CRACR2B: variants seen among roughly 807,000 people sequenced by gnomAD.
CRACR2B encodes the protein EF-hand calcium-binding domain-containing protein 4A.
Under a neutral mutation model 46.0 loss-of-function variants are expected in CRACR2B, and 50 were observed. The ratio of observed to expected loss-of-function variants is 1.09; its 90% CI spans 0.87 to 1.38. The LOEUF (loss-of-function observed/expected upper bound fraction) is 1.38, where lower values mean the gene tolerates loss of function less well. Ranked by LOEUF, CRACR2B falls within the 40% of genes most tolerant of loss-of-function variation. The pLI, the probability that CRACR2B is intolerant of heterozygous loss-of-function variation, is 0.00. For missense variants in CRACR2B, 667 were observed against 535.0 expected (o/e 1.25, Z -2.43); for synonymous variants, 277 against 239.6 (o/e 1.16, Z -1.44).
chr11:830,511 C>T (rs981749289), intron 5 of CRACR2B, 110 bp from the exon 6 acceptor site: 2 of 1,540,222 alleles, frequency 1.3e-6, no homozygotes, highest in Non-Finnish European at 8.7e-7. Context: ...CCGGTCTTCT[C>T]CACCCGACCC....
Position 830,628 on chromosome 11 carries a change from C to CCGAA in CRACR2B, c.702_703insGAAC (p.Arg235GlufsTer118). ...GTCCTCCGTGCGTCCCAGAACTTCG[C>CCGAA]CCGCGGGGAGCGGAGAAGCCGTCTG... On this transcript the variant is annotated frameshift_variant, in exon 6 of 9. Coordinates refer to ENST00000525077, the MANE Select transcript of CRACR2B (RefSeq NM_001286606.2). LOFTEE classifies it high-confidence loss of function. The CCGAA allele has an allele frequency of 1.3e-6, 2 of 1,549,276 alleles. No individual in the cohort carries two copies. Among genetic ancestry groups the CCGAA allele is most frequent in the Non-Finnish European group, 1.7e-6 (2 of 1,146,716 alleles).
Position 828,211 on chromosome 11 carries a change from C to T in CRACR2B, c.-397C>T, listed in dbSNP as rs771944021. 2.1e-4 allele frequency: 45 copies of T among 213,794 alleles called. No individual in the cohort carries two copies. Among genetic ancestry groups the T allele is most frequent in the Non-Finnish European group, 3.7e-4 (40 of 107,264 alleles). The allele number at this position is 213,794 out of a possible 1,614,324, so 13.2% of individuals were successfully genotyped here. On this transcript the variant is annotated 5_prime_UTR_variant, in exon 1 of 9. Coordinates refer to ENST00000525077, the MANE Select transcript of CRACR2B (RefSeq NM_001286606.2). ...GTGAGGGGCTCCTCCCTCACTGACC[C>T]CAAGCCTGCTCCTCTCAGCTTTCAG...
rs1477379617 is a variant in CRACR2B, at chr11:830,130, G to T, written c.603G>T (p.Arg201=). 1.3e-6 allele frequency: 2 copies of T among 1,533,534 alleles called. No individual in the cohort carries two copies. Among genetic ancestry groups the T allele is most frequent in the Admixed American group, 2.0e-5 (1 of 50,182 alleles). 95.0% of individuals were successfully genotyped at this position (1,533,534 alleles called of 1,614,324 possible). Residue 201 remains arginine (R), a splice_region_variant and synonymous_variant, in exon 4 of 9, where the codon CGG becomes CGT. Transcript: ENST00000525077. ...RERDGLEQAL[R]RRESEHEREV... is the part of the protein sequence containing the mutation. The stretch of plus-strand genomic sequence containing the variant: ...GCGACGGCCTGGAGCAGGCGCTGCG[G>T]AGGTGAGGGCCGGGGTGGGGTATGG...
rs576556081 is a variant in CRACR2B at position 831,045 on chromosome 11, G to T, written c.953+13G>T. ...AGCAAACCCAACGGTGCCGTGGGAC[G>T]GGGCTGGGCGGGCCCCGGTGCGTGT... On this transcript the variant is annotated intron_variant, in intron 7 of 8. Coordinates refer to ENST00000525077, the MANE Select transcript of CRACR2B (RefSeq NM_001286606.2). 2.0e-6 allele frequency: 3 copies of T among 1,535,186 alleles called. No individual in the cohort carries two copies. In the South Asian group the frequency reaches 3.6e-5, roughly 18 times the overall value.
In CRACR2B at chr11:828,282, A is replaced by C; in HGVS notation, c.-326A>C. On this transcript the variant is annotated 5_prime_UTR_variant, in exon 1 of 9. Transcript: ENST00000525077. ...CAGGTCTTCTCCACTGGCCCCTGAG[A>C]TTGCCATCACCTCCAGCTCCTCCTC... 3.0e-6 allele frequency: 1 copy of C among 330,292 alleles called. No homozygotes were observed. The highest frequency in any genetic ancestry group is 5.5e-6 in the Non-Finnish European group (1 of 180,332). The allele number at this position is 330,292 out of a possible 1,614,324, so 20.5% of individuals were successfully genotyped here. A position where few individuals can be genotyped will look rare whatever the true frequency, so the allele number is the denominator to read the frequency against.
Position 831,546 on chromosome 11 carries a change from C to CACGGCTGCGGGATGACAGGG in CRACR2B, c.1041_1060dup (p.Ala354GlyfsTer22). 1.9e-6 allele frequency: 3 copies of CACGGCTGCGGGATGACAGGG among 1,597,000 alleles called. No homozygotes were observed. Among genetic ancestry groups the CACGGCTGCGGGATGACAGGG allele is most frequent in the Non-Finnish European group, 2.6e-6 (3 of 1,173,618 alleles). ...TCCTCCTTCCCTAGGGAGCTGAATA[C>CACGGCTGCGGGATGACAGGG]ACGGCTGCGGGATGACAGGGACGCC... On this transcript the variant is annotated frameshift_variant, in exon 9 of 9. Transcript: ENST00000525077. LOFTEE classifies it low-confidence loss of function (END_TRUNC).
At position 831,567 on chromosome 11, in the gene CRACR2B, A is replaced by C; in HGVS notation, c.1058A>C (p.Asp353Ala). 1 of 1,597,826 alleles carries C rather than the reference A, an allele frequency of 6.3e-7. No homozygotes were observed. Among genetic ancestry groups the C allele is most frequent in the Non-Finnish European group, 8.5e-7 (1 of 1,174,092 alleles). Residue 353 changes from aspartate (D) to alanine (A), a missense_variant, in exon 9 of 9, where the codon GAC becomes GCC. By Grantham distance (126) the Asp-to-Ala change is moderately radical. Coordinates refer to ENST00000525077, the MANE Select transcript of CRACR2B (RefSeq NM_001286606.2). Reference sequence around the variant, plus strand: ...AATACACGGCTGCGGGATGACAGGGACGCCTGCGAGGCCAGGCGGGCGGGC... The same window carrying C: ...AATACACGGCTGCGGGATGACAGGGCCGCCTGCGAGGCCAGGCGGGCGGGC... ...ELNTRLRDDR[D>A]ACEARRAGSS...
intron 8 of CRACR2B, 107 bp from the exon 9 acceptor site, chr11:831,428 G>C: frequency 6.8e-7 from 1 of 1,477,948 alleles, no homozygotes; most frequent in South Asian, 1.3e-5. Context: ...CCCTCACGCT[G>C]CAGCCTCAGC....
chr11:831,073 CG>C, intron 7 of CRACR2B, 41 bp downstream of exon 7: 2 of 1,538,374 alleles, frequency 1.3e-6, no homozygotes. Flanking sequence ...GTGCGTGTCC[CG>C]GGGGCGGGGC....
intron 5 of CRACR2B, 92 bp from the exon 6 acceptor site, chr11:830,529 C>T (rs1565106637): frequency 1.3e-6 from 2 of 1,543,620 alleles, no homozygotes; most frequent in South Asian, 2.4e-5. Flanking sequence ...CCCCGCTCCG[C>T]CCGGGCCCAC....
intron 1 of CRACR2B, 26 bp from the exon 2 acceptor site, chr11:828,826 C>T (rs756950699): frequency 1.9e-6 from 3 of 1,611,450 alleles, no homozygotes; most frequent in Non-Finnish European, 2.5e-6. Flanking sequence ...CGCAGCGGCT[C>T]ATCTCTGCTC....
At chr11:829,170 T>C (rs1335645711) in intron 2 of CRACR2B, 190 bp from the exon 3 acceptor site, 3 of 1,325,588 alleles carry the variant, frequency 2.3e-6, no homozygotes, top group East Asian at 2.5e-5. Context: ...GCTCCTCTCC[T>C]GTGCTAAGCT....
At chr11:827,901 G>A (rs1846027155), upstream of CRACR2B, among the ~76,000 whole-genome samples, 1 of 152,230 alleles carries the variant, frequency 6.6e-6, no homozygotes, top group Admixed American at 6.5e-5. Flanking sequence ...AGGGAGTTCT[G>A]AAACGGGGAA....
At chr11:826,572 C>T (rs765534216), upstream of CRACR2B, among the ~76,000 whole-genome samples, 1 of 152,196 alleles carries the variant, frequency 6.6e-6, no homozygotes. Context: ...TTCTTGTTGC[C>T]CAGTGCAATG....
intron 3 of CRACR2B, 132 bp from the exon 4 acceptor site, chr11:829,854 G>A: frequency 7.0e-7 from 1 of 1,418,866 alleles, no homozygotes; most frequent in Non-Finnish European, 9.2e-7. Context: ...TCACGGGAGG[G>A]ATGCCCTGCA....
chr11:831,200 C>T, intron 7 of CRACR2B, 24 bp from the exon 8 acceptor site: 5 of 1,610,450 alleles, frequency 3.1e-6, no homozygotes, highest in African/African-American at 1.3e-5. Context: ...TTCCTGCAGC[C>T]GGGTCACCAC....
rs757886314 is a variant in CRACR2B at position 829,377 on chromosome 11, G to A, written c.295G>A (p.Ala99Thr). Residue 99 changes from alanine to threonine, a missense_variant, in exon 3 of 9, where the codon GCG (alanine) becomes ACG (threonine). Transcript: ENST00000525077. ...GCCCGCAGGGATGTTTGTGGGGGTG[G>A]CGTCAGCCCAGGGAGCGAACCCCTG... Reference protein sequence around the residue: ...CLGLGMFVGVASAQGANPCRT... With the variant: ...CLGLGMFVGVTSAQGANPCRT... The A allele has an allele frequency of 4.4e-6, 7 of 1,607,490 alleles. No individual in the cohort carries two copies. The South Asian group carries it at 7.8e-5, about 18-fold the overall frequency.
Position 828,435 on chromosome 11 carries a change from C to A in CRACR2B, c.-173C>A, listed in dbSNP as rs1239738621. ...ACCCCAAGCCTGCAGCATTTTCCAC[C>A]CCCAGCCCCCTGGTCCCACCTTGCC... On this transcript the variant is annotated 5_prime_UTR_variant, in exon 1 of 9. Coordinates refer to ENST00000525077, the MANE Select transcript of CRACR2B (RefSeq NM_001286606.2). 5 of 731,408 alleles carry A rather than the reference C, an allele frequency of 6.8e-6. No individual in the cohort carries two copies. The highest frequency in any genetic ancestry group is 3.9e-4 in the Middle Eastern group (1 of 2,562). 45.3% of individuals were successfully genotyped at this position (731,408 alleles called of 1,614,324 possible).
Position 830,972 on chromosome 11 carries a change from C to T in CRACR2B, c.893C>T (p.Ala298Val), listed in dbSNP as rs1035239760. The change falls in exon 7 of 9, where the codon GCG (alanine) becomes GTG (valine). Residue 298 changes from alanine (A) to valine (V), a missense_variant. Physicochemically the swap from Ala to Val is moderately conservative, Grantham distance 64. Transcript: ENST00000525077. Reference sequence around the variant, plus strand: ...GCGCTGCGAACGCAGCTGGAGGGGGCGCAGGAGCAGATCCGCAGGCTGGAG... The same window carrying T: ...GCGCTGCGAACGCAGCTGGAGGGGGTGCAGGAGCAGATCCGCAGGCTGGAG... ...HEALRTQLEGAQEQIRRLESE... is the reference protein window; with the variant it reads ...HEALRTQLEGVQEQIRRLESE... 2 of 1,533,620 alleles carry T rather than the reference C, an allele frequency of 1.3e-6. No homozygotes were observed. Among genetic ancestry groups the T allele is most frequent in the Non-Finnish European group, 1.7e-6 (2 of 1,146,640 alleles).
Sources: gnomAD v4.1 joint callset for allele counts (sites outside exome capture counted in the v4.1 genomes callset) on GRCh38, gnomAD v4.1.1 for gene constraint, MANE v1.5 for transcripts, NCBI Gene and HGNC (gene_info 2026-07-23, HGNC 2026-07-21) for gene names.